Variants in CEP43 observed in about 807,000 individuals in gnomAD.
CEP43 encodes the protein FGFR1 oncogene partner.
A neutral mutation model predicts 52.6 loss-of-function variants in CEP43; 36 were observed. That is an observed-to-expected ratio of 0.68 (90% CI 0.52 to 0.90). CEP43 has a LOEUF of 0.90. Among genes scored for constraint, CEP43 ranks in the 40% least tolerant of loss-of-function variants. The pLI is 0.00. For synonymous variants in CEP43, 192 were observed against 172.4 expected, an observed-to-expected ratio of 1.11 and a Z score of -0.89; for missense variants, 506 against 472.8, an observed-to-expected ratio of 1.07 and a Z score of -0.65.
At chr6:167,015,362 T>C (rs1161384543) in intron 7 of CEP43, among the ~76,000 whole-genome samples, 1 of 152,244 alleles carries the variant, frequency 6.6e-6, no homozygotes, top group African/African-American at 2.4e-5. Context: ...GGTAAGCCCT[T>C]AGCTCTTTGT....
intron 7 of CEP43, among the ~76,000 whole-genome samples, chr6:167,014,149 TATATAC>T: frequency 6.6e-6 from 1 of 152,370 alleles, no homozygotes; most frequent in African/African-American, 2.4e-5. Flanking sequence ...AATGGATGAT[TATATAC>T]ATATTAGTAA....
chr6:167,017,365 A>G (rs369514067), intron 7 of CEP43, among the ~76,000 whole-genome samples: 6 of 152,320 alleles, frequency 3.9e-5, no homozygotes, highest in South Asian at 4.1e-4. Context: ...AGGTATTACA[A>G]GTAATCTAGA....
intron 5 of CEP43, among the ~76,000 whole-genome samples, chr6:167,008,359 C>T (rs1291835087): frequency 6.6e-6 from 1 of 152,164 alleles, no homozygotes; most frequent in East Asian, 1.9e-4. Flanking sequence ...CTTAGTGCCT[C>T]CTTCTGTCAA....
intron 12 of CEP43, among the ~76,000 whole-genome samples, chr6:167,038,646 T>C (rs1326768151): frequency 1.3e-5 from 2 of 152,212 alleles, no homozygotes; most frequent in African/African-American, 4.8e-5. Context: ...ACTTGAAATA[T>C]TTGAGAATAA....
chr6:167,041,065 C>CT lies in CEP43; in HGVS notation c.*1087_*1088insT, dbSNP rs142195868. On this transcript the variant is annotated 3_prime_UTR_variant, in exon 13 of 13. Coordinates refer to ENST00000366847, the MANE Select transcript of CEP43 (RefSeq NM_007045.4). ...CATGCATATTTATATATAAGTAAAG[C>CT]AGGATTGTGCTGTTTTTGCACTTTA... The CT allele has an allele frequency of 0.016, 16,683 of 1,034,106 alleles. 198 individuals are homozygous for CT. Among genetic ancestry groups the CT allele is most frequent in the East Asian group, 0.075 (1,234 of 16,440 alleles). 64.1% of individuals were successfully genotyped at this position (1,034,106 alleles called of 1,614,324 possible). A position where few individuals can be genotyped will look rare whatever the true frequency, so the allele number is the denominator to read the frequency against.
In CEP43 at chr6:167,043,344, G is replaced by A. The variant is rs1190341111; in HGVS notation, c.*3366G>A. On this transcript the variant is annotated 3_prime_UTR_variant, in exon 13 of 13. Transcript: ENST00000366847. ...GGTGCTAGTCTCACCCCTGCCCTCCGAGCAGTCCGTGCTCCCAGTGTCCCT... is the reference window on the plus strand; with the variant it reads ...GGTGCTAGTCTCACCCCTGCCCTCCAAGCAGTCCGTGCTCCCAGTGTCCCT... 1.3e-5 allele frequency: 2 copies of A among 151,268 alleles called. No homozygotes were observed. The highest frequency in any genetic ancestry group is 1.5e-5 in the Non-Finnish European group (1 of 68,070). The allele number at this position is 151,268 out of a possible 1,614,324, so 9.4% of individuals were successfully genotyped here. A position where few individuals can be genotyped will look rare whatever the true frequency, so the allele number is the denominator to read the frequency against.
intron 5 of CEP43, among the ~76,000 whole-genome samples, chr6:167,010,070 C>T (rs778608583): frequency 8.5e-5 from 13 of 152,102 alleles, no homozygotes; most frequent in Non-Finnish European, 1.5e-4. Flanking sequence ...AGCACATTTT[C>T]GTATTTAAAA....
At position 167,040,062 on chromosome 6, in the gene CEP43, G is replaced by A. The variant is rs749826823; in HGVS notation, c.*84G>A. On this transcript the variant is annotated 3_prime_UTR_variant, in exon 13 of 13. Transcript: ENST00000366847. ...TTTTTTTCCAGACAATCACTCAGCT[G>A]GAATGTCTGCTCTCTATTGGTGCCT... 48 of 1,609,624 alleles carry A rather than the reference G, an allele frequency of 3.0e-5. No individual in the cohort carries two copies. Among genetic ancestry groups the A allele is most frequent in the Non-Finnish European group, 2.5e-6 (3 of 1,177,936 alleles).
chr6:167,003,188 A>G lies in CEP43; in HGVS notation c.157-5A>G. ...ATGACACTTAAATTTTTTTTTTTTT[A>G]ACAGAACAAAACTCCTTTAGTTAAT... On this transcript the variant is annotated splice_polypyrimidine_tract_variant and splice_region_variant and intron_variant, in intron 2 of 12. Coordinates refer to ENST00000366847, the MANE Select transcript of CEP43 (RefSeq NM_007045.4). The G allele has an allele frequency of 7.4e-7, 1 of 1,346,366 alleles. No homozygotes were observed. The highest frequency in any genetic ancestry group is 1.5e-5 in the African/African-American group (1 of 66,142). 83.4% of individuals were successfully genotyped at this position (1,346,366 alleles called of 1,614,324 possible). A position where few individuals can be genotyped will look rare whatever the true frequency, so the allele number is the denominator to read the frequency against.
chr6:167,041,522 G>A lies in CEP43; in HGVS notation c.*1544G>A. The A allele has an allele frequency of 9.5e-7, 1 of 1,053,012 alleles. No homozygotes were observed. The highest frequency in any genetic ancestry group is 1.1e-6 in the Non-Finnish European group (1 of 871,514). The allele number at this position is 1,053,012 out of a possible 1,614,324, so 65.2% of individuals were successfully genotyped here. On this transcript the variant is annotated 3_prime_UTR_variant, in exon 13 of 13. Transcript: ENST00000366847. Reference sequence around the variant, plus strand: ...TCCCCCAGTGTGGTTGTTATAAAATGCATTTCTTTGTAAGTCATCTCTGTA... The same window carrying A: ...TCCCCCAGTGTGGTTGTTATAAAATACATTTCTTTGTAAGTCATCTCTGTA...
chr6:167,040,392 C>G lies in CEP43; in HGVS notation c.*414C>G. 5 of 1,343,730 alleles carry G rather than the reference C, an allele frequency of 3.7e-6. No homozygotes were observed. The highest frequency in any genetic ancestry group is 4.8e-6 in the Non-Finnish European group (5 of 1,048,716). The allele number at this position is 1,343,730 out of a possible 1,614,324, so 83.2% of individuals were successfully genotyped here. A position where few individuals can be genotyped will look rare whatever the true frequency, so the allele number is the denominator to read the frequency against. Reference sequence around the variant, plus strand: ...TTTAGCCCTCTGGAATCAGAGCTTACCCACCATAGTATATTTTGATATTAG... The same window carrying G: ...TTTAGCCCTCTGGAATCAGAGCTTAGCCACCATAGTATATTTTGATATTAG... On this transcript the variant is annotated 3_prime_UTR_variant, in exon 13 of 13. Coordinates refer to ENST00000366847, the MANE Select transcript of CEP43 (RefSeq NM_007045.4).
At chr6:167,008,775 G>A (rs2128659047) in intron 5 of CEP43, among the ~76,000 whole-genome samples, 1 of 152,158 alleles carries the variant, frequency 6.6e-6, no homozygotes, top group African/African-American at 2.4e-5. Context: ...TGCCCAGCTG[G>A]CATAGTGATT....
At position 167,019,962 on chromosome 6, in the gene CEP43, A is replaced by G. The variant is rs566989355; in HGVS notation, c.580-2447A>G. Among the ~76,000 whole-genome samples the G allele has an allele frequency of 3.9e-4, 59 of 152,320 alleles. No individual in the cohort carries two copies. In the South Asian group the frequency reaches 0.012, roughly 31 times the overall value. On this transcript the variant is annotated intron_variant, in intron 7 of 12. Transcript: ENST00000366847. ...CTTTCTCATGAGTGTTTAGAAGGAG[A>G]GAATCTGTCGTGGCCACAGGCTGTG...
At chr6:167,014,624 G>T (rs1157603890) in intron 7 of CEP43, among the ~76,000 whole-genome samples, 1 of 152,146 alleles carries the variant, frequency 6.6e-6, no homozygotes, top group African/African-American at 2.4e-5. Flanking sequence ...AATTCCACCT[G>T]TTGTGTTAGA....
At chr6:167,016,788 A>G (rs1780109701) in intron 7 of CEP43, among the ~76,000 whole-genome samples, 1 of 152,108 alleles carries the variant, frequency 6.6e-6, no homozygotes, top group South Asian at 2.1e-4. Context: ...TAAATAATTC[A>G]TTAGTAAGTC....
Position 167,004,296 on chromosome 6 carries a change from C to T in CEP43, c.333C>T (p.Ala111=). 6.2e-7 allele frequency: 1 copy of T among 1,606,350 alleles called. No homozygotes were observed. Among genetic ancestry groups the T allele is most frequent in the African/African-American group, 1.3e-5 (1 of 74,546 alleles). The change falls in exon 5 of 13, where the codon GCC becomes GCT. Residue 111 remains alanine, a synonymous_variant. Transcript: ENST00000366847. Reference sequence around the variant, plus strand: ...GTCTCGAAGGTCGAGAGAATTTAGCCCGAGATTTAGGTATAATTGAAGCAG... The same window carrying T: ...GTCTCGAAGGTCGAGAGAATTTAGCTCGAGATTTAGGTATAATTGAAGCAG... The part of the protein sequence containing the change: ...LQGLEGRENL[A]RDLGIIEAEG...
At chr6:167,027,923 C>G in intron 10 of CEP43, 1 of 985,902 alleles carries the variant, frequency 1.0e-6, no homozygotes, top group Non-Finnish European at 1.2e-6. Flanking sequence ...GCCCTGGAGT[C>G]CTGGTAACTG....
chr6:167,022,248 A>G (rs1270811880), intron 7 of CEP43, among the ~76,000 whole-genome samples, 161 bp from the exon 8 acceptor site: 1 of 143,314 alleles, frequency 7.0e-6, no homozygotes, highest in East Asian at 2.1e-4. Context: ...CACGCTGCTG[A>G]GAGCTGCCCC....
intron 10 of CEP43, among the ~76,000 whole-genome samples, chr6:167,029,756 A>T (rs537889686): frequency 2.0e-5 from 3 of 152,276 alleles, no homozygotes; most frequent in African/African-American, 7.2e-5. Flanking sequence ...TGTTTATTTC[A>T]CCTGGGTGCA....
Sources: gnomAD v4.1 joint callset for allele counts (sites outside exome capture counted in the v4.1 genomes callset) on GRCh38, gnomAD v4.1.1 for gene constraint, MANE v1.5 for transcripts, NCBI Gene and HGNC (gene_info 2026-07-23, HGNC 2026-07-21) for gene names.